PAPOLA: variants seen among roughly 807,000 people sequenced by gnomAD.
PAPOLA encodes poly(A) polymerase alpha.
A neutral mutation model predicts 100.6 loss-of-function variants in PAPOLA; 15 were observed. The ratio of observed to expected loss-of-function variants is 0.15; its 90% CI spans 0.10 to 0.23. The LOEUF (loss-of-function observed/expected upper bound fraction) is 0.23. PAPOLA is among the 10% of genes least tolerant of loss of function. The probability of loss-of-function intolerance (pLI) is 1.00; values close to 1 mark genes in which losing one functional copy is unlikely to be tolerated. For synonymous variants in PAPOLA, 293 were observed against 300.0 expected, an observed-to-expected ratio of 0.98 and a Z score of 0.24; for missense variants, 533 against 884.2, an observed-to-expected ratio of 0.60 and a Z score of 5.04.
chr14:96,510,805 A>G (rs1161893378), intron 1 of PAPOLA, among the ~76,000 whole-genome samples: 2 of 152,228 alleles, frequency 1.3e-5, no homozygotes, highest in East Asian at 1.9e-4. Context: ...CCAGTTAACC[A>G]TCGTTTTAAT....
At chr14:96,532,284 TTGTGTGTG>T (rs10533972) in intron 7 of PAPOLA, 39 bp from the exon 8 acceptor site, 45 of 1,431,860 alleles carry the variant, frequency 3.1e-5, no homozygotes, top group Non-Finnish European at 3.9e-5. Flanking sequence ...TTGTTTTGTT[TTGTGTGTG>T]TGTGTGTGTG....
chr14:96,555,863 C>T lies in PAPOLA; in HGVS notation c.1681C>T (p.Pro561Ser). The change falls in exon 18 of 22, where the codon CCA becomes TCA. Residue 561 changes from proline (P) to serine (S), a missense_variant. Pro to Ser is a moderately conservative substitution (Grantham distance 74, BLOSUM62 -1). Coordinates refer to ENST00000216277, the MANE Select transcript of PAPOLA (RefSeq NM_032632.5). ...TTTTTTTAGCAGAAACAGTCCTGCT[C>T]CAGCTGTAACAGCAGCATCTGTGAC... is the stretch of plus-strand genomic sequence containing the variant. ...GSSQGRNSPA[P>S]AVTAASVTNI... The T allele has an allele frequency of 6.3e-7, 1 of 1,595,492 alleles. No individual in the cohort carries two copies. The highest frequency in any genetic ancestry group is 8.6e-7 in the Non-Finnish European group (1 of 1,166,414).
At position 96,566,299 on chromosome 14, in the gene PAPOLA, A is replaced by G. The variant is rs146853052; in HGVS notation, c.*1249A>G. The G allele has an allele frequency of 5.8e-6, 1 of 172,498 alleles. No homozygotes were observed. Among genetic ancestry groups the G allele is most frequent in the African/African-American group, 2.4e-5 (1 of 42,494 alleles). The allele number at this position is 172,498 out of a possible 1,614,324, so 10.7% of individuals were successfully genotyped here. A position where few individuals can be genotyped will look rare whatever the true frequency, so the allele number is the denominator to read the frequency against. ...CATCTAGTCAGCTCTCTACTCCTTT[A>G]TTTTGTTTTATCAAAAGATTAAGAG... is the stretch of plus-strand genomic sequence containing the variant. On this transcript the variant is annotated 3_prime_UTR_variant, in exon 22 of 22. Coordinates refer to ENST00000216277, the MANE Select transcript of PAPOLA (RefSeq NM_032632.5).
rs1006388853 is a variant in PAPOLA, at chr14:96,542,110, A to T, written c.1116-133A>T. ...ATTTAGCATATATGATTTTATGTGC[A>T]TATTGAGATTGTAGTCCCCCTTGCT... On this transcript the variant is annotated intron_variant, in intron 12 of 21. Coordinates refer to ENST00000216277, the MANE Select transcript of PAPOLA (RefSeq NM_032632.5). 7 of 521,832 alleles carry T rather than the reference A, an allele frequency of 1.3e-5. No individual in the cohort carries two copies. The East Asian group carries it at 1.6e-4, about 12-fold the overall frequency. 32.3% of individuals were successfully genotyped at this position (521,832 alleles called of 1,614,324 possible).
chr14:96,553,915 TC>T (rs1901071905), intron 17 of PAPOLA, among the ~76,000 whole-genome samples: 2 of 152,200 alleles, frequency 1.3e-5, no homozygotes, highest in South Asian at 4.1e-4. Context: ...TTTTTTTCTT[TC>T]TTTTGGACTT....
At chr14:96,536,565 T>G (rs1899548503) in intron 11 of PAPOLA, among the ~76,000 whole-genome samples, 1 of 152,040 alleles carries the variant, frequency 6.6e-6, no homozygotes, top group Non-Finnish European at 1.5e-5. Flanking sequence ...TTCCTGAATA[T>G]TTTACACTTT....
At chr14:96,535,752 C>G in intron 10 of PAPOLA, 127 bp from the exon 11 acceptor site, 1 of 921,918 alleles carries the variant, frequency 1.1e-6, no homozygotes, top group Non-Finnish European at 1.5e-6. Flanking sequence ...CATGGTTTTT[C>G]TTTCTCAACT....
In PAPOLA at chr14:96,560,807, T is replaced by C. The variant is rs952574286; in HGVS notation, c.2067+96T>C. On this transcript the variant is annotated intron_variant, in intron 20 of 21. Coordinates refer to ENST00000216277, the MANE Select transcript of PAPOLA (RefSeq NM_032632.5). ...AATATTGTATTTTTGTGCTATAGGTTTTAGATTTTTTTAGTATTGTTTATT... is the reference window on the plus strand; with the variant it reads ...AATATTGTATTTTTGTGCTATAGGTCTTAGATTTTTTTAGTATTGTTTATT... 5.1e-5 allele frequency: 40 copies of C among 777,832 alleles called. 2 individuals carry two copies. The Middle Eastern group carries it at 1.0e-3, about 20-fold the overall frequency. The allele number at this position is 777,832 out of a possible 1,614,324, so 48.2% of individuals were successfully genotyped here. A position where few individuals can be genotyped will look rare whatever the true frequency, so the allele number is the denominator to read the frequency against.
chr14:96,536,812 TGTGTATATATATAAGA>T, intron 11 of PAPOLA, 148 bp from the exon 12 acceptor site: 1 of 439,666 alleles, frequency 2.3e-6, no homozygotes, highest in South Asian at 5.8e-5. Context: ...AAAAAAAAAA[TGTGTATATATATAAGA>T]GTATGCTCTA....
At chr14:96,521,135 C>A in intron 3 of PAPOLA, 63 bp downstream of exon 3, 1 of 778,946 alleles carries the variant, frequency 1.3e-6, no homozygotes. Flanking sequence ...CAGCAAGTGT[C>A]TTATATAACC....
intron 10 of PAPOLA, chr14:96,534,812 TTATTC>T (rs1899378839): frequency 2.4e-6 from 3 of 1,254,588 alleles, no homozygotes; most frequent in African/African-American, 1.5e-5. Context: ...ACATTTTAAT[TTATTC>T]TATATAGAAC....
chr14:96,506,761 A>G (rs183954124), intron 1 of PAPOLA, among the ~76,000 whole-genome samples: 1 of 152,228 alleles, frequency 6.6e-6, no homozygotes, highest in South Asian at 2.1e-4. Flanking sequence ...ATATTTTCCA[A>G]ATGACCATTT....
intron 19 of PAPOLA, among the ~76,000 whole-genome samples, chr14:96,558,923 G>A (rs1901578116): frequency 6.6e-6 from 1 of 151,686 alleles, no homozygotes; most frequent in African/African-American, 2.4e-5. Flanking sequence ...TCTGGAAGCA[G>A]AAAAAGATCC....
intron 21 of PAPOLA, among the ~76,000 whole-genome samples, chr14:96,563,602 G>A (rs1315655479): frequency 1.3e-5 from 2 of 152,122 alleles, no homozygotes; most frequent in African/African-American, 4.8e-5. Context: ...AACTGCTGCT[G>A]TACTGATATG....
At chr14:96,512,099 G>A (rs1401558909) in intron 1 of PAPOLA, among the ~76,000 whole-genome samples, 1 of 151,950 alleles carries the variant, frequency 6.6e-6, no homozygotes, top group African/African-American at 2.4e-5. Context: ...AATGGTGAAC[G>A]GTAGAATTAG....
chr14:96,512,268 A>G (rs1897154524), intron 1 of PAPOLA, among the ~76,000 whole-genome samples: 3 of 152,176 alleles, frequency 2.0e-5, no homozygotes, highest in Non-Finnish European at 4.4e-5. Context: ...TAGTTAAAAA[A>G]AAAACTGGGT....
chr14:96,504,132 A>T (rs918011969), intron 1 of PAPOLA, among the ~76,000 whole-genome samples: 1 of 152,208 alleles, frequency 6.6e-6, no homozygotes, highest in African/African-American at 2.4e-5. Flanking sequence ...AAATGTTTGC[A>T]GTGATGTCGT....
intron 1 of PAPOLA, among the ~76,000 whole-genome samples, chr14:96,508,980 A>C (rs942370644): frequency 2.0e-5 from 3 of 152,170 alleles, no homozygotes; most frequent in African/African-American, 7.2e-5. Context: ...ATTCCAGTAC[A>C]CTATACCATC....
At chr14:96,535,848 G>A in intron 10 of PAPOLA, 31 bp from the exon 11 acceptor site, 7 of 1,508,002 alleles carry the variant, frequency 4.6e-6, no homozygotes, top group Non-Finnish European at 6.2e-6. Context: ...ATATGTACTT[G>A]AAGAAACTGA....
Sources: allele counts gnomAD v4.1 joint callset (sites outside exome capture counted in the v4.1 genomes callset), GRCh38; gene constraint gnomAD v4.1.1; transcripts MANE v1.5; gene names NCBI Gene and HGNC (gene_info 2026-07-23, HGNC 2026-07-21).